Variants in ASTN2 observed in about 807,000 individuals in gnomAD.
The protein encoded by ASTN2 is astrotactin-2.
A neutral mutation model predicts 139.8 loss-of-function variants in ASTN2; 54 were observed. That is an observed-to-expected ratio of 0.39 (90% CI 0.31 to 0.48). The LOEUF (loss-of-function observed/expected upper bound fraction) is 0.48. ASTN2 is among the 20% of genes least tolerant of loss of function. ASTN2 has a pLI of 0.95. For synonymous variants in ASTN2, 756 were observed against 719.5 expected, an observed-to-expected ratio of 1.05 and a Z score of -0.81; for missense variants, 1,565 against 1,725.1, an observed-to-expected ratio of 0.91 and a Z score of 1.64.
chr9:116,902,341 A>G (rs186414520), intron 10 of ASTN2, among the ~76,000 whole-genome samples: 8 of 152,370 alleles, frequency 5.3e-5, no homozygotes. Flanking sequence ...TAGAATAAAC[A>G]TATAAAGAAA....
intron 1 of ASTN2, among the ~76,000 whole-genome samples, chr9:117,383,845 G>A (rs1830329748): frequency 6.6e-6 from 1 of 152,174 alleles, no homozygotes; most frequent in Non-Finnish European, 1.5e-5. Flanking sequence ...GGGGAGATTT[G>A]TTACGCTCAG....
intron 10 of ASTN2, among the ~76,000 whole-genome samples, chr9:116,966,542 T>C (rs552977994): frequency 2.1e-4 from 32 of 152,234 alleles, no homozygotes; most frequent in African/African-American, 7.0e-4. Context: ...ACTTTTATTA[T>C]GATTGCTAAG....
Position 117,008,089 on chromosome 9 carries a change from C to T in ASTN2, c.1591+3G>A, listed in dbSNP as rs763526025. On this transcript the variant is annotated splice_donor_region_variant and intron_variant, in intron 7 of 22. Coordinates refer to ENST00000313400, the MANE Select transcript of ASTN2 (RefSeq NM_001365068.1). ...TATCCCCATCCCGGCTCCCATGGCT[C>T]ACCGGTTTCTGGGTCGCAGAGCTGC... 3 of 1,586,834 alleles carry T rather than the reference C, an allele frequency of 1.9e-6. No homozygotes were observed. The highest frequency in any genetic ancestry group is 2.6e-6 in the Non-Finnish European group (3 of 1,165,298).
intron 2 of ASTN2, among the ~76,000 whole-genome samples, chr9:117,241,841 G>A (rs926386898): frequency 2.0e-5 from 3 of 151,734 alleles, no homozygotes; most frequent in Non-Finnish European, 4.4e-5. Flanking sequence ...GAGAACATGT[G>A]ATCCTTCTAA....
intron 5 of ASTN2, among the ~76,000 whole-genome samples, chr9:117,064,876 C>T (rs945151818): frequency 3.9e-5 from 6 of 152,046 alleles, no homozygotes; most frequent in African/African-American, 2.4e-5. Context: ...CTTTCAACTG[C>T]TGTTTCTCTG....
chr9:117,219,085 G>A (rs914444154), intron 2 of ASTN2, among the ~76,000 whole-genome samples: 3 of 152,152 alleles, frequency 2.0e-5, no homozygotes, highest in Non-Finnish European at 4.4e-5. Context: ...CACAAGCAAA[G>A]GAGCTCAAGA....
intron 6 of ASTN2, among the ~76,000 whole-genome samples, chr9:117,032,732 AG>A (rs1485036621): frequency 6.6e-6 from 1 of 152,118 alleles, no homozygotes; most frequent in African/African-American, 2.4e-5. Context: ...AATGTAGACA[AG>A]TGTTATTATT....
chr9:116,497,546 C>T (rs1849706925), intron 19 of ASTN2, among the ~76,000 whole-genome samples: 1 of 152,158 alleles, frequency 6.6e-6, no homozygotes, highest in Non-Finnish European at 1.5e-5. Flanking sequence ...TAGTATTAAC[C>T]TCAACATTAA....
chr9:116,749,482 A>T (rs1248028233), intron 13 of ASTN2, among the ~76,000 whole-genome samples: 1 of 152,110 alleles, frequency 6.6e-6, no homozygotes, highest in East Asian at 1.9e-4. Flanking sequence ...TTCTTTCCTA[A>T]CTACAGAACT....
rs530545989 is a variant in ASTN2 at position 116,965,661 on chromosome 9, C to A, written c.1889+9547G>T. ...TCCTGTGGCTGAGCTGATCTCTTTC[C>A]CTTTCCATGATGTCATTCCAATAGA... On this transcript the variant is annotated intron_variant, in intron 10 of 22. Coordinates refer to ENST00000313400, the MANE Select transcript of ASTN2 (RefSeq NM_001365068.1). 1.1e-4 allele frequency among the ~76,000 whole-genome samples: 16 copies of A among 152,282 alleles called. No individual in the cohort carries two copies. In the East Asian group the frequency reaches 2.9e-3, roughly 28 times the overall value.
intron 3 of ASTN2, among the ~76,000 whole-genome samples, chr9:117,151,280 G>C (rs979560581): frequency 3.3e-5 from 5 of 152,162 alleles, no homozygotes; most frequent in Admixed American, 6.6e-5. Flanking sequence ...ATGAGAATCA[G>C]AGTCACTAGC....
intron 1 of ASTN2, among the ~76,000 whole-genome samples, chr9:117,296,089 C>T (rs187620768): frequency 6.6e-6 from 1 of 151,552 alleles, no homozygotes; most frequent in African/African-American, 2.4e-5. Flanking sequence ...ACCAGCCAGG[C>T]CAATATGGTG....
At chr9:116,473,206 C>G (rs1464505052) in intron 20 of ASTN2, among the ~76,000 whole-genome samples, 1 of 152,146 alleles carries the variant, frequency 6.6e-6, no homozygotes, top group Non-Finnish European at 1.5e-5. Flanking sequence ...ACATGACAGA[C>G]TGTCTTCATT....
At position 116,773,950 on chromosome 9, in the gene ASTN2, G is replaced by T. The variant is rs77883808; in HGVS notation, c.2396+31682C>A. 4.5e-4 allele frequency among the ~76,000 whole-genome samples: 68 copies of T among 152,244 alleles called. 1 individual carries two copies. The East Asian group carries it at 0.013, about 29-fold the overall frequency. On this transcript the variant is annotated intron_variant, in intron 13 of 22. Transcript: ENST00000313400. Reference sequence around the variant, plus strand: ...CTATCTTTCATAGTTTAAGAGAGAGGTTACTGTCTTCTCTTATTGTCTGGC... The same window carrying T: ...CTATCTTTCATAGTTTAAGAGAGAGTTTACTGTCTTCTCTTATTGTCTGGC...
At chr9:117,354,801 A>G (rs1829491388) in intron 1 of ASTN2, among the ~76,000 whole-genome samples, 1 of 152,130 alleles carries the variant, frequency 6.6e-6, no homozygotes. Context: ...AACCTACTCC[A>G]CAGTGAGCTC....
chr9:117,277,381 T>G (rs527374304), intron 2 of ASTN2: 1 of 152,336 alleles, frequency 6.6e-6, no homozygotes, highest in East Asian at 1.9e-4. Context: ...AAATTTATTC[T>G]TGAAACCATT....
chr9:116,469,460 C>T (rs1848746578), intron 20 of ASTN2, among the ~76,000 whole-genome samples: 1 of 152,078 alleles, frequency 6.6e-6, no homozygotes, highest in South Asian at 2.1e-4. Context: ...TCCCCTGTGC[C>T]CCTTATAAAG....
intron 7 of ASTN2, among the ~76,000 whole-genome samples, chr9:116,984,927 G>A (rs1446223186): frequency 6.6e-6 from 1 of 152,158 alleles, no homozygotes; most frequent in African/African-American, 2.4e-5. Context: ...TTGTAATTCA[G>A]GAAGCAGGAT....
At chr9:116,705,560 A>G (rs1225397845) in intron 16 of ASTN2, among the ~76,000 whole-genome samples, 3 of 152,222 alleles carry the variant, frequency 2.0e-5, no homozygotes, top group African/African-American at 4.8e-5. Flanking sequence ...GTGAAAGAAT[A>G]TCAAAACCTG....
Sources: allele counts gnomAD v4.1 joint callset (sites outside exome capture counted in the v4.1 genomes callset), GRCh38; gene constraint gnomAD v4.1.1; transcripts MANE v1.5; gene names NCBI Gene and HGNC (gene_info 2026-07-23, HGNC 2026-07-21).